CACNA1A: variants seen among roughly 807,000 people sequenced by gnomAD.
CACNA1A encodes voltage-dependent P/Q-type calcium channel subunit alpha-1A.
In CACNA1A, 57 loss-of-function variants were observed where a neutral mutation model predicts 262.4. The observed-to-expected ratio is 0.22, with a 90% confidence interval of 0.18 to 0.27. The LOEUF is 0.27. Ranked by LOEUF, CACNA1A falls within the 10% of genes least tolerant of loss-of-function variation. The pLI is 1.00. For synonymous variants in CACNA1A, 1,431 were observed against 1,419.3 expected, an observed-to-expected ratio of 1.01 and a Z score of -0.18; for missense variants, 2,526 against 3,562.8, an observed-to-expected ratio of 0.71 and a Z score of 7.41.
intron 3 of CACNA1A, among the ~76,000 whole-genome samples, chr19:13,433,469 A>AAAAAAAAAAAAAAAAT (rs2060556344): frequency 6.8e-6 from 1 of 147,606 alleles, no homozygotes; most frequent in African/African-American, 2.5e-5. Context: ...TCAAAAAAAA[A>AAAAAAAAAAAAAAAAT]AAAAAAAAAA....
intron 5 of CACNA1A, chr19:13,364,981 G>A (rs2059181126): frequency 6.0e-6 from 1 of 166,134 alleles, no homozygotes; most frequent in Admixed American, 6.2e-5. Flanking sequence ...GTGCCCAGGG[G>A]GATCCAGTCC....
At chr19:13,253,493 T>C (rs1196945953) in intron 29 of CACNA1A, among the ~76,000 whole-genome samples, 2 of 132,066 alleles carry the variant, frequency 1.5e-5, no homozygotes, top group Non-Finnish European at 3.1e-5. Context: ...TCACCCGGGC[T>C]GGAGTGCAGT....
chr19:13,429,999 AG>A (rs1342532529), intron 3 of CACNA1A, among the ~76,000 whole-genome samples: 12 of 4,726 alleles, frequency 2.5e-3, no homozygotes, highest in Non-Finnish European at 3.1e-3. Flanking sequence ...GGGAGTGGGG[AG>A]GGGGGAAGGG....
intron 10 of CACNA1A, among the ~76,000 whole-genome samples, chr19:13,325,583 C>A (rs979337043): frequency 6.6e-6 from 1 of 152,254 alleles, no homozygotes; most frequent in Non-Finnish European, 1.5e-5. Flanking sequence ...TACAGGCGCC[C>A]GCCTCCATGC....
intron 43 of CACNA1A, chr19:13,211,471 GCCC>G (rs1462899231): frequency 6.5e-6 from 1 of 153,120 alleles, no homozygotes; most frequent in African/African-American, 2.4e-5. Flanking sequence ...ACACCCCTGT[GCCC>G]CCCAATGACT....
rs945186739 is a variant in CACNA1A, at chr19:13,335,844, G to A, written c.1044C>T (p.Ser348=). Residue 348 remains serine, a synonymous_variant, in exon 7 of 47, where the codon TCC becomes TCT. Coordinates refer to ENST00000360228, the MANE Select transcript of CACNA1A (RefSeq NM_001127222.2). The stretch of plus-strand genomic sequence containing the variant: ...CCAGCACAAGGTTCAGCATAAAAAA[G>A]GAGCCGATGATGATGAGGGGGATGA... ...LYFIPLIIIG[S]FFMLNLVLGV... is the part of the protein sequence containing the mutation. 6.2e-7 allele frequency: 1 copy of A among 1,611,064 alleles called. No homozygotes were observed. The highest frequency in any genetic ancestry group is 8.5e-7 in the Non-Finnish European group (1 of 1,178,660).
At position 13,218,614 on chromosome 19, in the gene CACNA1A, C is replaced by T. The variant is rs147937775; in HGVS notation, c.5732-4006G>A. Among the ~76,000 whole-genome samples the T allele has an allele frequency of 9.5e-3, 1,447 of 152,294 alleles. 26 individuals carry two copies. Among genetic ancestry groups the T allele is most frequent in the African/African-American group, 0.033 (1,369 of 41,562 alleles). On this transcript the variant is annotated intron_variant, in intron 38 of 46. Transcript: ENST00000360228. ...TGTTTGTTTGAGACAGAGTCTTGCT[C>T]TGTTGCCCAGGCTGGAGTGCAGTGG...
intron 3 of CACNA1A, among the ~76,000 whole-genome samples, chr19:13,437,915 T>G (rs1366046991): frequency 6.6e-6 from 1 of 151,874 alleles, no homozygotes; most frequent in African/African-American, 2.4e-5. Context: ...AGGTTGCGTG[T>G]CTGTGCATGT....
At chr19:13,388,872 T>C (rs981937365) in intron 3 of CACNA1A, among the ~76,000 whole-genome samples, 3 of 152,186 alleles carry the variant, frequency 2.0e-5, no homozygotes, top group Non-Finnish European at 4.4e-5. Context: ...TGTTGTTTCC[T>C]GTTTTCACCC....
In CACNA1A at chr19:13,349,534, C is replaced by T. The variant is rs187054315; in HGVS notation, c.978+10072G>A. Among the ~76,000 whole-genome samples the T allele has an allele frequency of 7.4e-4, 113 of 152,340 alleles. 1 individual carries two copies. The highest frequency in any genetic ancestry group is 1.3e-3 in the Admixed American group (20 of 15,300). ...CCCTGTGAAATGAGGCCACCTGTCACTAGAACAACACAGAGCCACCAGCTC... is the reference window on the plus strand; with the variant it reads ...CCCTGTGAAATGAGGCCACCTGTCATTAGAACAACACAGAGCCACCAGCTC... On this transcript the variant is annotated intron_variant, in intron 6 of 46. Transcript: ENST00000360228.
chr19:13,372,029 T>G (rs1324888518), intron 3 of CACNA1A, among the ~76,000 whole-genome samples: 1 of 152,080 alleles, frequency 6.6e-6, no homozygotes, highest in Non-Finnish European at 1.5e-5. Context: ...ATGAGAGAAA[T>G]GGAATCTTCC....
At chr19:13,369,784 G>A (rs1401246172) in intron 4 of CACNA1A, among the ~76,000 whole-genome samples, 4 of 152,004 alleles carry the variant, frequency 2.6e-5, no homozygotes, top group African/African-American at 7.3e-5. Flanking sequence ...GATTACAGGT[G>A]TGAGCCACTG....
Position 13,331,323 on chromosome 19 carries a change from G to A in CACNA1A, c.1256-990C>T, listed in dbSNP as rs143485745. 3.5e-3 allele frequency among the ~76,000 whole-genome samples: 521 copies of A among 150,630 alleles called. 1 individual carries two copies. Among genetic ancestry groups the A allele is most frequent in the African/African-American group, 0.012 (495 of 40,990 alleles). On this transcript the variant is annotated intron_variant, in intron 9 of 46. Coordinates refer to ENST00000360228, the MANE Select transcript of CACNA1A (RefSeq NM_001127222.2). ...GTGATCTCGGCTCACCGCAACTTCC[G>A]TCTCCCAGGTTCAAGCAATTCTCGT...
chr19:13,431,724 G>A (rs1214645371), intron 3 of CACNA1A, among the ~76,000 whole-genome samples: 2 of 152,108 alleles, frequency 1.3e-5, no homozygotes, highest in African/African-American at 2.4e-5. Flanking sequence ...CATCTTTTGC[G>A]ACAACGTGCA....
Position 13,479,926 on chromosome 19 carries a change from G to C in CACNA1A, c.294-24714C>G, listed in dbSNP as rs1599346987. On this transcript the variant is annotated intron_variant, in intron 1 of 46. Transcript: ENST00000360228. ...TTGTTTGTGTAAACAAAGTTTTATT[G>C]GCAAATGGCCATGCCCATTCATTTA... is the stretch of plus-strand genomic sequence containing the variant. Among the ~76,000 whole-genome samples, 3 of 152,146 alleles carry C rather than the reference G, an allele frequency of 2.0e-5. No individual in the cohort carries two copies. The South Asian group carries it at 6.2e-4, about 32-fold the overall frequency.
In CACNA1A at chr19:13,212,089, G is replaced by A. The variant is rs777901156; in HGVS notation, c.6303+14C>T. 3.8e-6 allele frequency: 6 copies of A among 1,585,884 alleles called. No individual in the cohort carries two copies. The highest frequency in any genetic ancestry group is 3.3e-5 in the Admixed American group (2 of 59,906). Reference sequence around the variant, plus strand: ...TGAGGGGTCCAGCCCCAGGGCAGTGGTGAAAGCCCTCACCTGGTTCTCTGC... The same window carrying A: ...TGAGGGGTCCAGCCCCAGGGCAGTGATGAAAGCCCTCACCTGGTTCTCTGC... On this transcript the variant is annotated intron_variant, in intron 43 of 46. Transcript: ENST00000360228. The surrounding 1 kb of genome is among the most constrained non-coding windows in gnomAD (Gnocchi z 5.6).
chr19:13,217,922 T>G lies in CACNA1A; in HGVS notation c.5732-3314A>C, dbSNP rs541410118. The stretch of plus-strand genomic sequence containing the variant: ...GGGGCCTTGGGCCACACTGTATAGT[T>G]CATTCTTTTTTTTTTTTTTTTTTTT... On this transcript the variant is annotated intron_variant, in intron 38 of 46. Transcript: ENST00000360228. Among the ~76,000 whole-genome samples the G allele has an allele frequency of 9.6e-5, 13 of 134,980 alleles. No individual in the cohort carries two copies. The East Asian group carries it at 2.5e-3, about 26-fold the overall frequency. 88.6% of individuals were successfully genotyped at this position (134,980 alleles called of 152,430 possible). A position where few individuals can be genotyped will look rare whatever the true frequency, so the allele number is the denominator to read the frequency against.
intron 31 of CACNA1A, among the ~76,000 whole-genome samples, chr19:13,240,220 T>C (rs1019853345): frequency 2.0e-5 from 3 of 151,176 alleles, no homozygotes; most frequent in African/African-American, 7.3e-5. Context: ...GAAGAGGTCA[T>C]GACTATGTGC....
At chr19:13,224,480 CTG>C (rs2055357717) in intron 38 of CACNA1A, among the ~76,000 whole-genome samples, 185 bp downstream of exon 38, 2 of 108,520 alleles carry the variant, frequency 1.8e-5, no homozygotes, top group Non-Finnish European at 3.9e-5. Context: ...GAGCAAGACT[CTG>C]TCTCAAAAAA....
Sources: gnomAD v4.1 joint callset for allele counts (sites outside exome capture counted in the v4.1 genomes callset) on GRCh38, gnomAD v4.1.1 for gene constraint, Gnocchi (gnomAD v3.1) non-coding constraint, MANE v1.5 for transcripts, NCBI Gene and HGNC (gene_info 2026-07-23, HGNC 2026-07-21) for gene names.